IREB2: variants seen among roughly 807,000 people sequenced by gnomAD.
IREB2 encodes iron responsive element binding protein 2, also known as iron-responsive element-binding protein 2.
Under a neutral mutation model 118.8 loss-of-function variants are expected in IREB2, and 39 were observed. The ratio of observed to expected loss-of-function variants is 0.33; its 90% CI spans 0.25 to 0.43. The LOEUF (loss-of-function observed/expected upper bound fraction) is 0.43, where lower values mean the gene tolerates loss of function less well. Among genes scored for constraint, IREB2 ranks in the 20% least tolerant of loss-of-function variants. IREB2 has a pLI of 1.00. For synonymous variants in IREB2, 372 were observed against 392.2 expected, an observed-to-expected ratio of 0.95 and a Z score of 0.61; for missense variants, 900 against 1,147.3, an observed-to-expected ratio of 0.78 and a Z score of 3.11.
chr15:78,447,440 C>T (rs893559688), intron 2 of IREB2, among the ~76,000 whole-genome samples: 6 of 151,856 alleles, frequency 4.0e-5, no homozygotes, highest in African/African-American at 9.7e-5. Flanking sequence ...AAGCAATTCT[C>T]CTGCCTCAGC....
At chr15:78,491,490 GTATGTATTTATT>G (rs112236733) in intron 18 of IREB2, among the ~76,000 whole-genome samples, 76,584 of 151,548 alleles carry the variant, frequency 0.51, 20,761 homozygotes, top group Non-Finnish European at 0.62. Context: ...ATTTATTTAT[GTATGTATTTATT>G]TATGTATTTA....
At position 78,492,581 on chromosome 15, in the gene IREB2, T is replaced by TTAGAGACAGGG. The variant is rs1266529339; in HGVS notation, c.2325-1326_2325-1316dup. Among the ~76,000 whole-genome samples the TTAGAGACAGGG allele has an allele frequency of 8.0e-5, 12 of 150,102 alleles. 1 individual carries two copies. The East Asian group carries it at 2.4e-3, about 30-fold the overall frequency. ...TTGTCATTTGTTTGTTTGTTTGTTT[T>TTAGAGACAGGG]TAGAGACAGGGTCTCACTCTTGCCT... On this transcript the variant is annotated intron_variant, in intron 18 of 21. Coordinates refer to ENST00000258886, the MANE Select transcript of IREB2 (RefSeq NM_004136.4).
intron 2 of IREB2, among the ~76,000 whole-genome samples, chr15:78,443,626 G>A (rs536990038): frequency 1.3e-5 from 2 of 150,984 alleles, no homozygotes; most frequent in Non-Finnish European, 3.0e-5. Flanking sequence ...TTTTTGTGGG[G>A]TTTTTTTTGT....
intron 2 of IREB2, among the ~76,000 whole-genome samples, chr15:78,458,402 T>G (rs559072500): frequency 6.6e-6 from 1 of 152,136 alleles, no homozygotes; most frequent in African/African-American, 2.4e-5. Context: ...AGGGAGTATA[T>G]GGGAAATCTC....
intron 5 of IREB2, among the ~76,000 whole-genome samples, chr15:78,466,986 GCAGGTGGATCACTTGAGCT>G (rs142351973): frequency 0.15 from 22,860 of 151,986 alleles, 1,755 homozygotes; most frequent in Non-Finnish European, 0.16. Flanking sequence ...GGAGGCCAGA[GCAGGTGGATCACTTGAGCT>G]CAGGAGTTTG....
chr15:78,447,179 CTTT>C (rs199780442), intron 2 of IREB2, among the ~76,000 whole-genome samples: 5 of 137,104 alleles, frequency 3.6e-5, no homozygotes, highest in Non-Finnish European at 3.2e-5. Flanking sequence ...TTCTTTCTTT[CTTT>C]TTTTTTTTTT....
rs756161211 is a variant in IREB2 at position 78,476,237 on chromosome 15, G to A, written c.1073G>A (p.Ser358Asn). 6.2e-7 allele frequency: 1 copy of A among 1,602,586 alleles called. No individual in the cohort carries two copies. The highest frequency in any genetic ancestry group is 2.2e-5 in the East Asian group (1 of 44,722). Reference protein sequence around the residue: ...VAGKFVEFFGSGVSQLSIVDR... With the variant: ...VAGKFVEFFGNGVSQLSIVDR... ...GGAAAGTTTGTTGAGTTTTTTGGAA[G>A]TGGAGTTTCACAATTATCTATAGTT... The change falls in exon 9 of 22, where the codon AGT becomes AAT. Residue 358 changes from serine to asparagine, a missense_variant. Coordinates refer to ENST00000258886, the MANE Select transcript of IREB2 (RefSeq NM_004136.4).
At chr15:78,476,120 T>C in intron 8 of IREB2, 68 bp from the exon 9 acceptor site, 5 of 1,222,178 alleles carry the variant, frequency 4.1e-6, no homozygotes, top group Non-Finnish European at 5.7e-6. Context: ...TATTTTATAG[T>C]TTTCAGACAA....
intron 2 of IREB2, among the ~76,000 whole-genome samples, chr15:78,445,525 A>G (rs943429332): frequency 8.5e-5 from 13 of 152,242 alleles, no homozygotes; most frequent in Admixed American, 7.9e-4. Context: ...CCAAAGACAA[A>G]GGAAGAAAGC....
chr15:78,463,832 C>T (rs1334541389), intron 3 of IREB2, among the ~76,000 whole-genome samples: 3 of 152,196 alleles, frequency 2.0e-5, no homozygotes, highest in Non-Finnish European at 4.4e-5. Context: ...GCATGAGCCA[C>T]CGTACCCAGC....
intron 6 of IREB2, 121 bp from the exon 7 acceptor site, chr15:78,471,620 A>T: frequency 1.8e-6 from 1 of 545,678 alleles, no homozygotes; most frequent in Non-Finnish European, 3.0e-6. Context: ...ATGTGATATG[A>T]ACTTTGTATT....
intron 12 of IREB2, among the ~76,000 whole-genome samples, chr15:78,485,420 G>GA (rs59139575): frequency 0.97 from 147,829 of 152,222 alleles, 71,940 homozygotes; most frequent in Middle Eastern, 1. Flanking sequence ...AGAAGAAAGA[G>GA]AAAAAATGGT....
chr15:78,454,498 G>T (rs1361799120), intron 2 of IREB2, among the ~76,000 whole-genome samples: 1 of 152,168 alleles, frequency 6.6e-6, no homozygotes, highest in African/African-American at 2.4e-5. Context: ...TGGTTTCTTG[G>T]GTTAGAGAGG....
chr15:78,476,258 T>C lies in IREB2; in HGVS notation c.1094T>C (p.Ile365Thr). ...FFGSGVSQLSIVDRTTIANMC... is the reference protein window; with the variant it reads ...FFGSGVSQLSTVDRTTIANMC... ...GGAAGTGGAGTTTCACAATTATCTA[T>C]AGTTGATCGAACTACAATAGCAAAC... is the stretch of plus-strand genomic sequence containing the variant. The change falls in exon 9 of 22, where the codon ATA becomes ACA. Residue 365 changes from isoleucine to threonine, a missense_variant. Physicochemically the swap from Ile to Thr is moderately conservative, Grantham distance 89. Coordinates refer to ENST00000258886, the MANE Select transcript of IREB2 (RefSeq NM_004136.4). The C allele has an allele frequency of 1.2e-6, 2 of 1,609,944 alleles. No homozygotes were observed. Among genetic ancestry groups the C allele is most frequent in the Non-Finnish European group, 1.7e-6 (2 of 1,176,898 alleles).
rs1404810569 is a variant in IREB2 at position 78,499,691 on chromosome 15, ATT to A, written c.*1549_*1550del. On this transcript the variant is annotated 3_prime_UTR_variant, in exon 22 of 22. Transcript: ENST00000258886. ...ATTTTCTTCGACACTTTCAAATTAT[ATT>A]GTGTTCTTGATATATGCTGTATATT... 6 of 152,118 alleles carry A rather than the reference ATT, an allele frequency of 3.9e-5. No homozygotes were observed. The highest frequency in any genetic ancestry group is 8.8e-5 in the Non-Finnish European group (6 of 68,016). 9.4% of individuals were successfully genotyped at this position (152,118 alleles called of 1,614,324 possible).
In IREB2 at chr15:78,439,792, C is replaced by A; in HGVS notation, c.20-3C>A. ...TTTAATGAAAATACAATTTTTTTTT[C>A]AGGATACGCCTTTGAGTACCTTATT... On this transcript the variant is annotated splice_polypyrimidine_tract_variant and splice_region_variant and intron_variant, in intron 1 of 21. Coordinates refer to ENST00000258886, the MANE Select transcript of IREB2 (RefSeq NM_004136.4). 1 of 1,525,414 alleles carries A rather than the reference C, an allele frequency of 6.6e-7. No homozygotes were observed. Among genetic ancestry groups the A allele is most frequent in the Non-Finnish European group, 8.9e-7 (1 of 1,123,560 alleles). 94.5% of individuals were successfully genotyped at this position (1,525,414 alleles called of 1,614,324 possible).
intron 8 of IREB2, chr15:78,474,927 C>T (rs1317597040): frequency 6.6e-6 from 1 of 151,766 alleles, no homozygotes; most frequent in South Asian, 2.1e-4. Context: ...CGGTGGCGGG[C>T]GCCTGTAGTC....
At chr15:78,482,932 G>C (rs951449949) in intron 10 of IREB2, among the ~76,000 whole-genome samples, 1 of 152,084 alleles carries the variant, frequency 6.6e-6, no homozygotes, top group Non-Finnish European at 1.5e-5. Flanking sequence ...GTAGAGACGA[G>C]GTTTCACTGT....
chr15:78,459,898 T>G (rs1343355780), intron 2 of IREB2, among the ~76,000 whole-genome samples: 3 of 152,204 alleles, frequency 2.0e-5, no homozygotes, highest in Non-Finnish European at 4.4e-5. Context: ...GCTGATAGCT[T>G]CTTTGGGGTT....
Sources: allele counts gnomAD v4.1 joint callset (sites outside exome capture counted in the v4.1 genomes callset), GRCh38; gene constraint gnomAD v4.1.1; transcripts MANE v1.5; gene names NCBI Gene and HGNC (gene_info 2026-07-23, HGNC 2026-07-21).